EVL: variants seen among roughly 807,000 people sequenced by gnomAD.
EVL encodes Enah/Vasp-like, also known as ena/VASP-like protein.
EVL carries 21 observed loss-of-function variants against 59.6 expected under a neutral mutation model. The observed-to-expected ratio is 0.35, with a 90% CI of 0.25 to 0.51. The LOEUF is 0.51. Among genes scored for constraint, EVL ranks in the 20% least tolerant of loss-of-function variants. The probability of loss-of-function intolerance (pLI) is 0.97; values close to 1 mark genes in which losing one functional copy is unlikely to be tolerated. For synonymous variants in EVL, 198 were observed against 203.5 expected, an observed-to-expected ratio of 0.97 and a Z score of 0.23; for missense variants, 462 against 546.6, an observed-to-expected ratio of 0.85 and a Z score of 1.54.
intron 4 of EVL, among the ~76,000 whole-genome samples, chr14:100,126,378 C>T (rs1449656956): frequency 6.6e-6 from 1 of 152,224 alleles, no homozygotes. Context: ...CTGTTGAGGC[C>T]ACAGGCTCCC....
At chr14:100,097,454 C>A (rs367998209) in intron 2 of EVL, 27 bp from the exon 3 acceptor site, 2 of 1,580,228 alleles carry the variant, frequency 1.3e-6, no homozygotes, top group Non-Finnish European at 1.7e-6. Context: ...TTTATTTACA[C>A]GTATTTCTCT....
Position 100,111,258 on chromosome 14 carries a change from G to A in EVL, c.359-12281G>A, listed in dbSNP as rs759111612. ...TGCAACCTCTGCCTCCCAGGTTCAA[G>A]CGATTCTCCTGCCTCAGCCTCCCAA... On this transcript the variant is annotated intron_variant, in intron 3 of 13. Coordinates refer to ENST00000392920, the MANE Select transcript of EVL (RefSeq NM_016337.3). 5.5e-5 allele frequency among the ~76,000 whole-genome samples: 8 copies of A among 144,426 alleles called. No homozygotes were observed. The South Asian group carries it at 1.1e-3, about 20-fold the overall frequency. 94.7% of individuals were successfully genotyped at this position (144,426 alleles called of 152,430 possible).
At chr14:100,014,736 T>C (rs2061038491) in intron 1 of EVL, among the ~76,000 whole-genome samples, 1 of 152,176 alleles carries the variant, frequency 6.6e-6, no homozygotes, top group African/African-American at 2.4e-5. Flanking sequence ...GGTTGAAAAC[T>C]GTGCAGGAAG....
intron 1 of EVL, among the ~76,000 whole-genome samples, chr14:100,058,547 C>T (rs1044216387): frequency 6.6e-6 from 1 of 152,220 alleles, no homozygotes; most frequent in Non-Finnish European, 1.5e-5. Context: ...AATTGCGTCA[C>T]AAGTGCCAAC....
At position 100,054,429 on chromosome 14, in the gene EVL, A is replaced by T. The variant is rs192792848; in HGVS notation, c.6-30258A>T. ...TCCCAGGGTTAGCTAATTCCTAGAG[A>T]CAGTAAGAAGCTTTTGTTGGTGAAT... On this transcript the variant is annotated intron_variant, in intron 1 of 13. Transcript: ENST00000402714. Among the ~76,000 whole-genome samples the T allele has an allele frequency of 3.6e-4, 55 of 152,212 alleles. No individual in the cohort carries two copies. In the East Asian group the frequency reaches 0.01, roughly 28 times the overall value.
chr14:100,045,142 A>G (rs1460189866), intron 1 of EVL, among the ~76,000 whole-genome samples: 1 of 152,204 alleles, frequency 6.6e-6, no homozygotes, highest in South Asian at 2.1e-4. Flanking sequence ...TTGTAGTACA[A>G]TAAGGGTGAC....
At chr14:99,999,159 A>G (rs2033115674) in intron 1 of EVL, among the ~76,000 whole-genome samples, 1 of 152,158 alleles carries the variant, frequency 6.6e-6, no homozygotes, top group African/African-American at 2.4e-5. Context: ...TGTGTCTACC[A>G]TACATTATTT....
intron 1 of EVL, among the ~76,000 whole-genome samples, chr14:100,083,374 C>CT (rs1222085023): frequency 6.6e-6 from 1 of 151,630 alleles, no homozygotes; most frequent in African/African-American, 2.4e-5. Context: ...TTTACTCTAT[C>CT]TTTTTTTTCT....
chr14:99,976,401 AGTCTT>A (rs2060770490), intron 1 of EVL, among the ~76,000 whole-genome samples: 1 of 152,070 alleles, frequency 6.6e-6, no homozygotes, highest in Non-Finnish European at 1.5e-5. Context: ...CAAAATTATC[AGTCTT>A]GTCTTTTACC....
chr14:100,141,648 C>A, intron 12 of EVL, 88 bp from the exon 13 acceptor site: 2 of 1,306,666 alleles, frequency 1.5e-6, no homozygotes, highest in South Asian at 1.3e-5. Context: ...GCCCAGGAGA[C>A]CCCAAGCCCT....
chr14:100,051,910 A>G (rs1229426640), intron 1 of EVL, among the ~76,000 whole-genome samples: 1 of 152,180 alleles, frequency 6.6e-6, no homozygotes, highest in Non-Finnish European at 1.5e-5. Flanking sequence ...GAAGAAAGGC[A>G]TATCACTGAC....
chr14:100,057,258 A>G (rs2061748040), intron 1 of EVL, among the ~76,000 whole-genome samples: 1 of 152,152 alleles, frequency 6.6e-6, no homozygotes, highest in Non-Finnish European at 1.5e-5. Context: ...TATATGATGA[A>G]AGATGTATAT....
chr14:100,068,922 C>A (rs2061993127), intron 1 of EVL, among the ~76,000 whole-genome samples: 1 of 152,116 alleles, frequency 6.6e-6, no homozygotes, highest in Admixed American at 6.5e-5. Flanking sequence ...ACTTTTGGGG[C>A]CAGCCAGTTA....
At chr14:100,005,103 T>A (rs1268755785) in intron 1 of EVL, among the ~76,000 whole-genome samples, 2 of 152,226 alleles carry the variant, frequency 1.3e-5, no homozygotes, top group Non-Finnish European at 2.9e-5. Flanking sequence ...ACAGAGACAG[T>A]GAAAAAGATA....
At chr14:100,036,100 C>G (rs529418145) in intron 1 of EVL, among the ~76,000 whole-genome samples, 2 of 152,144 alleles carry the variant, frequency 1.3e-5, no homozygotes, top group African/African-American at 4.8e-5. Flanking sequence ...CCTGTCAGAT[C>G]GGCAGTGGCA....
chr14:100,085,694 G>T (rs1400806646), intron 2 of EVL, among the ~76,000 whole-genome samples: 1 of 152,222 alleles, frequency 6.6e-6, no homozygotes, highest in Non-Finnish European at 1.5e-5. Context: ...GCGATCGGAA[G>T]AGAGAGAACA....
intron 3 of EVL, among the ~76,000 whole-genome samples, chr14:100,119,495 G>A (rs1887560465): frequency 6.6e-6 from 1 of 152,170 alleles, no homozygotes; most frequent in Non-Finnish European, 1.5e-5. Flanking sequence ...GAACCAGCTG[G>A]GCAGTGAGTG....
intron 1 of EVL, among the ~76,000 whole-genome samples, chr14:100,058,950 C>T (rs1006636148): frequency 3.9e-5 from 6 of 152,118 alleles, no homozygotes; most frequent in Admixed American, 3.3e-4. Flanking sequence ...ACAGTAGTAA[C>T]GTGTGAAGGA....
At chr14:100,065,621 G>A in intron 1 of EVL, 110 bp downstream of exon 1, 3 of 554,496 alleles carry the variant, frequency 5.4e-6, no homozygotes, top group African/African-American at 2.0e-5. Flanking sequence ...TATACTGATC[G>A]AGAAGTCCAT....
Sources: gnomAD v4.1 joint callset for allele counts (sites outside exome capture counted in the v4.1 genomes callset) on GRCh38, gnomAD v4.1.1 for gene constraint, MANE v1.5 for transcripts, NCBI Gene and HGNC (gene_info 2026-07-23, HGNC 2026-07-21) for gene names.